Variants in CFAP58 observed in about 807,000 individuals in gnomAD.
CFAP58 encodes the protein cilia and flagella associated protein 58, also known as cilia- and flagella-associated protein 58.
CFAP58 carries 88 observed loss-of-function variants against 119.5 expected under a neutral mutation model. The ratio of observed to expected loss-of-function variants is 0.74; its 90% CI spans 0.62 to 0.88. The LOEUF (loss-of-function observed/expected upper bound fraction) is 0.88, where lower values mean the gene tolerates loss of function less well. CFAP58 is among the 40% of genes least tolerant of loss of function. The pLI is 0.00. For missense variants in CFAP58, 990 were observed against 1,021.2 expected, an observed-to-expected ratio of 0.97 and a Z score of 0.42; for synonymous variants, 365 against 366.3, an observed-to-expected ratio of 1.00 and a Z score of 0.04.
chr10:104,339,338 CG>C, the CFAP58 span, among the ~76,000 whole-genome samples: 1 of 152,190 alleles, frequency 6.6e-6, no homozygotes. Context: ...ATGTTAGAAA[CG>C]AGAGAACTGA....
chr10:104,449,496 C>A (rs977467710), intron 16 of CFAP58, among the ~76,000 whole-genome samples: 14 of 152,078 alleles, frequency 9.2e-5, no homozygotes, highest in African/African-American at 3.4e-4. Flanking sequence ...CCGAACACAG[C>A]AATGGAAGGA....
intron 17 of CFAP58, among the ~76,000 whole-genome samples, chr10:104,453,687 G>A (rs1037934906): frequency 7.9e-5 from 12 of 151,874 alleles, no homozygotes; most frequent in Non-Finnish European, 1.8e-4. Context: ...GTTTCCAAAG[G>A]TGTTTTCTTT....
chr10:104,415,239 G>T (rs926657177), intron 15 of CFAP58, among the ~76,000 whole-genome samples: 2 of 152,144 alleles, frequency 1.3e-5, no homozygotes, highest in Non-Finnish European at 2.9e-5. Context: ...GGAGGCAGTT[G>T]CAGGAAGCTG....
chr10:104,392,155 TAAA>T, intron 9 of CFAP58, 75 bp from the exon 10 acceptor site: 1 of 1,326,838 alleles, frequency 7.5e-7, no homozygotes, highest in Non-Finnish European at 1.1e-6. Context: ...CACCCTTAGA[TAAA>T]AAACTCCATT....
intron 15 of CFAP58, among the ~76,000 whole-genome samples, chr10:104,432,073 A>G (rs749519140): frequency 8.5e-5 from 13 of 152,202 alleles, no homozygotes; most frequent in Non-Finnish European, 1.6e-4. Context: ...TCTCTAGGGT[A>G]TGTATCTACA....
intron 14 of CFAP58, among the ~76,000 whole-genome samples, chr10:104,404,060 A>G (rs992849572): frequency 3.5e-4 from 54 of 152,228 alleles, no homozygotes; most frequent in East Asian, 7.7e-4. Flanking sequence ...CTTTCTACCT[A>G]AAGAAAGCCC....
intron 15 of CFAP58, among the ~76,000 whole-genome samples, chr10:104,417,525 A>C (rs1010008218): frequency 7.9e-5 from 12 of 152,224 alleles, no homozygotes; most frequent in Non-Finnish European, 1.3e-4. Flanking sequence ...AGCATCCCAC[A>C]AACTCTTGAA....
intron 14 of CFAP58, among the ~76,000 whole-genome samples, chr10:104,405,201 A>G (rs2012339431): frequency 6.6e-6 from 1 of 152,228 alleles, no homozygotes; most frequent in African/African-American, 2.4e-5. Context: ...ATAGATGGAT[A>G]TCAGTTGGCA....
upstream of CFAP58, among the ~76,000 whole-genome samples, chr10:104,352,938 C>T (rs1305374344): frequency 1.3e-5 from 2 of 152,086 alleles, no homozygotes; most frequent in Non-Finnish European, 2.9e-5. Context: ...TTAAAAAATA[C>T]ACTGATAAAA....
At position 104,398,620 on chromosome 10, in the gene CFAP58, G is replaced by A. The variant is rs528426133; in HGVS notation, c.1675-740G>A. On this transcript the variant is annotated intron_variant, in intron 11 of 17. Transcript: ENST00000369704. ...ACTTAGGGGCCAGATTCAGGTCTGA[G>A]CTCTCTGAGAAAGCAGTCCTGCTAC... Among the ~76,000 whole-genome samples the A allele has an allele frequency of 9.2e-5, 14 of 152,280 alleles. No homozygotes were observed. In the South Asian group the frequency reaches 2.9e-3, roughly 32 times the overall value.
At chr10:104,414,818 T>C (rs997240073) in intron 15 of CFAP58, among the ~76,000 whole-genome samples, 4 of 152,216 alleles carry the variant, frequency 2.6e-5, no homozygotes, top group East Asian at 1.9e-4. Flanking sequence ...TACAGGCGCC[T>C]GCCACCGCGC....
chr10:104,417,180 G>C (rs79639697), intron 15 of CFAP58, among the ~76,000 whole-genome samples: 1 of 152,238 alleles, frequency 6.6e-6, no homozygotes, highest in Non-Finnish European at 1.5e-5. Context: ...AGCAACAGCT[G>C]TGGTGCTGGT....
chr10:104,370,761 T>C, intron 6 of CFAP58, 134 bp from the exon 7 acceptor site: 4 of 721,348 alleles, frequency 5.5e-6, no homozygotes, highest in Non-Finnish European at 8.5e-6. Flanking sequence ...TTGTGTGTGC[T>C]TGATTTAATC....
rs1323093791 is a variant in CFAP58 at position 104,438,331 on chromosome 10, TTTG to T, written c.2257-9364_2257-9362del. Among the ~76,000 whole-genome samples, 69 of 134,524 alleles carry T rather than the reference TTTG, an allele frequency of 5.1e-4. 1 individual carries two copies. Among genetic ancestry groups the T allele is most frequent in the East Asian group, 4.3e-3 (20 of 4,618 alleles). The allele number at this position is 134,524 out of a possible 152,430, so 88.3% of individuals were successfully genotyped here. On this transcript the variant is annotated intron_variant, in intron 15 of 17. Transcript: ENST00000369704. ...AATCAATGGGAATTTTTATTGTTTT[TTTG>T]TTTTTTGTTTTTTGTTTTTTTTTTT...
upstream of CFAP58, among the ~76,000 whole-genome samples, chr10:104,348,843 T>A (rs902400380): frequency 6.6e-6 from 1 of 152,224 alleles, no homozygotes; most frequent in Non-Finnish European, 1.5e-5. Flanking sequence ...ACTTTAGAAC[T>A]CATTCAGTAG....
chr10:104,353,751 GCGACGGGC>G (rs1203893906), upstream of CFAP58: 2 of 835,514 alleles, frequency 2.4e-6, no homozygotes, highest in East Asian at 2.7e-5. Context: ...CCGTTGCCAG[GCGACGGGC>G]CGACGCGCCG....
chr10:104,376,869 A>G lies in CFAP58; in HGVS notation c.1149A>G (p.Leu383=). 1 of 1,613,484 alleles carries G rather than the reference A, an allele frequency of 6.2e-7. No individual in the cohort carries two copies. The highest frequency in any genetic ancestry group is 8.5e-7 in the Non-Finnish European group (1 of 1,179,578). ...ACAGAAAGGCAATGGACGAGCTTCTAAGAGAAAGGGACATACTAAATAAGG... is the reference window on the plus strand; with the variant it reads ...ACAGAAAGGCAATGGACGAGCTTCTGAGAGAAAGGGACATACTAAATAAGG... ...ELDRKAMDEL[L]RERDILNKNM... Residue 383 remains leucine, a synonymous_variant, in exon 8 of 18, where the codon CTA becomes CTG. Transcript: ENST00000369704.
rs1215994397 is a variant in CFAP58 at position 104,374,080 on chromosome 10, T to C, written c.1091-2731T>C. Among the ~76,000 whole-genome samples, 3 of 152,202 alleles carry C rather than the reference T, an allele frequency of 2.0e-5. No individual in the cohort carries two copies. The East Asian group carries it at 5.8e-4, about 29-fold the overall frequency. On this transcript the variant is annotated intron_variant, in intron 7 of 17. Coordinates refer to ENST00000369704, the MANE Select transcript of CFAP58 (RefSeq NM_001008723.2). ...AAATTAAATAAAAGTTAAAATTTTC[T>C]ATATTCTGTATTCTCTATAAATGAA... is the stretch of plus-strand genomic sequence containing the variant.
rs1387039931 is a variant in CFAP58 at position 104,392,310 on chromosome 10, G to T, written c.1443G>T (p.Glu481Asp). ...ACAGGAAAAAAATAGCTGAATCAGA[G>T]ATTAAATTAAAACAGCAACAGAACC... is the stretch of plus-strand genomic sequence containing the variant. ...FDYRKKIAES[E>D]IKLKQQQNLY... The change falls in exon 10 of 18, where the codon GAG becomes GAT. Residue 481 changes from glutamate to aspartate, a missense_variant. Transcript: ENST00000369704. The T allele has an allele frequency of 6.2e-7, 1 of 1,612,976 alleles. No homozygotes were observed. The highest frequency in any genetic ancestry group is 1.7e-5 in the Admixed American group (1 of 59,870).
Sources: gnomAD v4.1 joint callset for allele counts (sites outside exome capture counted in the v4.1 genomes callset) on GRCh38, gnomAD v4.1.1 for gene constraint, MANE v1.5 for transcripts, NCBI Gene and HGNC (gene_info 2026-07-23, HGNC 2026-07-21) for gene names.